CADM2: variants seen among roughly 807,000 people sequenced by gnomAD.
CADM2 encodes cell adhesion molecule 2, also known as immunoglobulin superfamily member 4D.
A neutral mutation model predicts 49.8 loss-of-function variants in CADM2; 12 were observed. The observed-to-expected ratio is 0.24, with a 90% CI of 0.15 to 0.39. CADM2 has a LOEUF of 0.39. Ranked by LOEUF, CADM2 falls within the 10% of genes least tolerant of loss-of-function variation. The pLI, the probability that CADM2 is intolerant of heterozygous loss-of-function variation, is 1.00. For missense variants in CADM2, 378 were observed against 492.3 expected, an observed-to-expected ratio of 0.77 and a Z score of 2.20; for synonymous variants, 214 against 175.4, an observed-to-expected ratio of 1.22 and a Z score of -1.74.
In CADM2 at chr3:85,233,730, A is replaced by T. The variant is rs1576177791; in HGVS notation, c.61+274062A>T. Among the ~76,000 whole-genome samples, 7 of 152,236 alleles carry T rather than the reference A, an allele frequency of 4.6e-5. 2 individuals are homozygous for T. Among genetic ancestry groups the T allele is most frequent in the Admixed American group, 4.6e-4 (7 of 15,274 alleles). ...TTTGTTTATAATGGTTTAAATTCTC[A>T]ATGGTTTAGAAAGATTCTTTGTGAA... On this transcript the variant is annotated intron_variant, in intron 1 of 9. Coordinates refer to ENST00000383699, the MANE Select transcript of CADM2 (RefSeq NM_001167675.2).
At chr3:85,814,007 G>T (rs1041103205) in intron 3 of CADM2, among the ~76,000 whole-genome samples, 2 of 152,128 alleles carry the variant, frequency 1.3e-5, no homozygotes, top group African/African-American at 2.4e-5. Context: ...ACTTAGGATT[G>T]CCTTGGCTAT....
chr3:85,590,191 A>G (rs55677942), intron 1 of CADM2, among the ~76,000 whole-genome samples: 47,648 of 151,778 alleles, frequency 0.31, 8,302 homozygotes, highest in East Asian at 0.55. Context: ...AGAGCCAAGC[A>G]GAAAAATAGA....
intron 1 of CADM2, among the ~76,000 whole-genome samples, chr3:85,130,208 G>A (rs768638285): frequency 5.9e-5 from 9 of 152,174 alleles, no homozygotes; most frequent in East Asian, 1.9e-4. Flanking sequence ...TTAGTGCCAC[G>A]TTCAGCATAG....
At chr3:85,620,233 G>T (rs933342487) in intron 1 of CADM2, among the ~76,000 whole-genome samples, 1 of 151,962 alleles carries the variant, frequency 6.6e-6, no homozygotes, top group African/African-American at 2.4e-5. Context: ...TTAAAACACA[G>T]AACCTAAAAT....
At chr3:85,701,319 A>G (rs4423783) in intron 1 of CADM2, among the ~76,000 whole-genome samples, 5 of 151,930 alleles carry the variant, frequency 3.3e-5, no homozygotes, top group Non-Finnish European at 5.9e-5. Flanking sequence ...GGATTACATT[A>G]CAACATGAGA....
chr3:85,208,675 C>T lies in CADM2; in HGVS notation c.61+249007C>T, dbSNP rs150779764. Among the ~76,000 whole-genome samples, 1,405 of 152,200 alleles carry T rather than the reference C, an allele frequency of 9.2e-3. 8 individuals are homozygous for T. Among genetic ancestry groups the T allele is most frequent in the Non-Finnish European group, 0.015 (1,033 of 67,970 alleles). On this transcript the variant is annotated intron_variant, in intron 1 of 9. Transcript: ENST00000383699. ...GAGGATACATTTAAGTGGAGACAGG[C>T]AGCTTGTCTAAATATGGCTAATATT...
intron 8 of CADM2, among the ~76,000 whole-genome samples, chr3:85,972,732 G>A (rs138809211): frequency 1.6e-3 from 245 of 151,762 alleles, no homozygotes; most frequent in African/African-American, 5.8e-3. Flanking sequence ...TGAAAAGCTC[G>A]TTATTGGAAA....
At chr3:85,942,424 G>A (rs183918731) in intron 7 of CADM2, among the ~76,000 whole-genome samples, 11 of 151,536 alleles carry the variant, frequency 7.3e-5, no homozygotes, top group African/African-American at 2.2e-4. Context: ...ATGCTGGTGC[G>A]CTGCACCCAC....
intron 1 of CADM2, among the ~76,000 whole-genome samples, chr3:85,225,083 C>T (rs909884679): frequency 6.6e-5 from 10 of 152,024 alleles, no homozygotes; most frequent in South Asian, 2.1e-4. Flanking sequence ...TGGCTATGCT[C>T]GCTCTTTTTT....
At chr3:85,281,087 A>G (rs2043488220) in intron 1 of CADM2, among the ~76,000 whole-genome samples, 1 of 151,944 alleles carries the variant, frequency 6.6e-6, no homozygotes. Context: ...ATATTTGGGA[A>G]TGTATGTAAA....
intron 8 of CADM2, among the ~76,000 whole-genome samples, chr3:85,965,328 A>G (rs1373766350): frequency 6.7e-6 from 1 of 149,292 alleles, no homozygotes; most frequent in Non-Finnish European, 1.5e-5. Flanking sequence ...ATTATTACAA[A>G]TTAATAAATT....
intron 5 of CADM2, among the ~76,000 whole-genome samples, chr3:85,901,482 A>T (rs868386851): frequency 3.9e-5 from 6 of 152,198 alleles, no homozygotes; most frequent in African/African-American, 1.4e-4. Flanking sequence ...AGTAGTCATT[A>T]TATAAAAAGT....
intron 1 of CADM2, among the ~76,000 whole-genome samples, chr3:85,065,637 A>AT (rs779178932): frequency 5.3e-5 from 8 of 152,240 alleles, no homozygotes; most frequent in Non-Finnish European, 1.0e-4. Flanking sequence ...TAAAATCCAT[A>AT]TTTGCTGAAT....
At chr3:85,286,088 A>G (rs2043625745) in intron 1 of CADM2, among the ~76,000 whole-genome samples, 1 of 152,132 alleles carries the variant, frequency 6.6e-6, no homozygotes, top group Non-Finnish European at 1.5e-5. Flanking sequence ...ACACTGAAAG[A>G]CATGGGCATT....
chr3:85,077,103 TAGGGA>T (rs770965309), intron 1 of CADM2, among the ~76,000 whole-genome samples: 21 of 152,222 alleles, frequency 1.4e-4, no homozygotes, highest in Non-Finnish European at 2.2e-4. Flanking sequence ...TGCTTCTGTC[TAGGGA>T]AGCTAGAGAA....
At chr3:85,018,055 T>C (rs550318535) in intron 1 of CADM2, among the ~76,000 whole-genome samples, 1 of 152,184 alleles carries the variant, frequency 6.6e-6, no homozygotes, top group Non-Finnish European at 1.5e-5. Context: ...ACCTTCTAGT[T>C]AGACAGAAAT....
At chr3:85,223,809 G>C (rs1370051577) in intron 1 of CADM2, among the ~76,000 whole-genome samples, 2 of 152,026 alleles carry the variant, frequency 1.3e-5, no homozygotes, top group Non-Finnish European at 2.9e-5. Context: ...GTGTCCATGT[G>C]TTCTTACTGT....
chr3:85,277,579 G>A (rs1245201927), intron 1 of CADM2, among the ~76,000 whole-genome samples: 1 of 151,190 alleles, frequency 6.6e-6, no homozygotes, highest in Admixed American at 6.6e-5. Context: ...ATTCTCTCAC[G>A]AACATTGTTA....
chr3:85,953,774 T>C (rs1219751030), intron 7 of CADM2, among the ~76,000 whole-genome samples: 1 of 150,048 alleles, frequency 6.7e-6, no homozygotes, highest in Admixed American at 6.6e-5. Flanking sequence ...GATAATTATT[T>C]GATAATTTCA....
Sources: allele counts gnomAD v4.1 joint callset (sites outside exome capture counted in the v4.1 genomes callset), GRCh38; gene constraint gnomAD v4.1.1; transcripts MANE v1.5; gene names NCBI Gene and HGNC (gene_info 2026-07-23, HGNC 2026-07-21).